The following TNN variants were observed in gnomAD, a reference collection of about 807,000 sequenced individuals.
TNN encodes tenascin-N.
A neutral mutation model predicts 134.4 loss-of-function variants in TNN; 122 were observed. The observed-to-expected ratio is 0.91, with a 90% CI of 0.78 to 1.06. The LOEUF is 1.06. TNN is among the 50% of genes least tolerant of loss of function. The pLI, the probability that TNN is intolerant of heterozygous loss-of-function variation, is 0.00. For missense variants in TNN, 1,739 were observed against 1,699.4 expected (o/e 1.02, Z -0.41); for synonymous variants, 710 against 670.3 (o/e 1.06, Z -0.91).
intron 15 of TNN, 86 bp from the exon 16 acceptor site, chr1:175,135,759 T>C: frequency 1.9e-6 from 2 of 1,035,044 alleles, no homozygotes; most frequent in Non-Finnish European, 1.5e-6. Flanking sequence ...GAAGGCAGTG[T>C]ATGAGCAAGC....
chr1:175,130,027 T>A (rs1675635149), intron 15 of TNN, among the ~76,000 whole-genome samples: 1 of 152,242 alleles, frequency 6.6e-6, no homozygotes, highest in Non-Finnish European at 1.5e-5. Context: ...TTTGATTGCA[T>A]CAGCCTGATC....
chr1:175,070,436 A>T (rs1673889163), intron 1 of TNN, among the ~76,000 whole-genome samples: 1 of 152,120 alleles, frequency 6.6e-6, no homozygotes, highest in Non-Finnish European at 1.5e-5. Context: ...ACTTGATGGG[A>T]TGGCTCTCCA....
Position 175,079,327 on chromosome 1 carries a change from T to C in TNN, c.410-6T>C, listed in dbSNP as rs900664056. 6.3e-7 allele frequency: 1 copy of C among 1,582,108 alleles called. No individual in the cohort carries two copies. Among genetic ancestry groups the C allele is most frequent in the East Asian group, 2.3e-5 (1 of 44,422 alleles). On this transcript the variant is annotated splice_polypyrimidine_tract_variant and splice_region_variant and intron_variant, in intron 2 of 18. Coordinates refer to ENST00000239462, the MANE Select transcript of TNN (RefSeq NM_022093.2). ...CCCAACCTACTGTTTCTCCTCTCCC[T>C]CCCAGATCTAAGCCGCCACTGCAGC...
Position 175,071,005 on chromosome 1 carries a change from T to C in TNN, c.-36+3070T>C, listed in dbSNP as rs185404792. Among the ~76,000 whole-genome samples, 14 of 152,314 alleles carry C rather than the reference T, an allele frequency of 9.2e-5. No individual in the cohort carries two copies. The East Asian group carries it at 2.3e-3, about 25-fold the overall frequency. On this transcript the variant is annotated intron_variant, in intron 1 of 18. Transcript: ENST00000239462. ...ACATTGATGCATCCCTAGCCACTCA[T>C]CTCCCTCATTTTCCTTCATAGTTTA...
rs138721282 is a variant in TNN, at chr1:175,127,089, C to G, written c.3045+4C>G. On this transcript the variant is annotated splice_donor_region_variant and intron_variant, in intron 13 of 18. Coordinates refer to ENST00000239462, the MANE Select transcript of TNN (RefSeq NM_022093.2). ...GTTCCCAGATGGCACAGTTAAGGTA[C>G]GGGGATTCCTTGTCTTTTCTCCTGG... 6.2e-7 allele frequency: 1 copy of G among 1,611,662 alleles called. No individual in the cohort carries two copies. Among genetic ancestry groups the G allele is most frequent in the Non-Finnish European group, 8.5e-7 (1 of 1,179,362 alleles).
rs1042316400 is a variant in TNN, at chr1:175,074,101, G to T, written c.-35-3283G>T. Among the ~76,000 whole-genome samples, 18 of 152,258 alleles carry T rather than the reference G, an allele frequency of 1.2e-4. No individual in the cohort carries two copies. In the East Asian group the frequency reaches 3.3e-3, roughly 28 times the overall value. ...TGTGAATTCCTCCGGGCCAGAATCA[G>T]GCACCAGTCTCTTTGCCTGCCACCC... On this transcript the variant is annotated intron_variant, in intron 1 of 18. Transcript: ENST00000239462.
Position 175,083,771 on chromosome 1 carries a change from C to T in TNN, c.1070C>T (p.Ala357Val), listed in dbSNP as rs1247133418. The part of the protein sequence containing the change: ...ATTDLAVLGT[A>V]WVTDETENSL... ...CTAGACCTTGCTGTGCTTGGCACTG[C>T]CTGGGTGACAGATGAGACTGAGAAC... is the stretch of plus-strand genomic sequence containing the variant. Residue 357 changes from alanine to valine, a missense_variant, in exon 5 of 19, where the codon GCC becomes GTC. By Grantham distance (64) the Ala-to-Val change is moderately conservative. Coordinates refer to ENST00000239462, the MANE Select transcript of TNN (RefSeq NM_022093.2). The T allele has an allele frequency of 6.2e-7, 1 of 1,614,046 alleles. No homozygotes were observed. Among genetic ancestry groups the T allele is most frequent in the South Asian group, 1.1e-5 (1 of 91,082 alleles).
rs548888665 is a variant in TNN, at chr1:175,083,518, G to GA, written c.1049-232_1049-231insA. 3.3e-3 allele frequency among the ~76,000 whole-genome samples: 509 copies of GA among 152,302 alleles called. 4 individuals are homozygous for GA. Among genetic ancestry groups the GA allele is most frequent in the African/African-American group, 0.01 (436 of 41,562 alleles). The stretch of plus-strand genomic sequence containing the variant: ...AGACCACATGGCCTCTGATGGGATG[G>GA]GGAAGTGGAGGCTTTCCCAAAAGAC... On this transcript the variant is annotated intron_variant, in intron 4 of 18. Coordinates refer to ENST00000239462, the MANE Select transcript of TNN (RefSeq NM_022093.2).
At chr1:175,073,824 T>A (rs1044557366) in intron 1 of TNN, among the ~76,000 whole-genome samples, 1 of 152,184 alleles carries the variant, frequency 6.6e-6, no homozygotes, top group Non-Finnish European at 1.5e-5. Flanking sequence ...GGAGCTTCTG[T>A]GGGATCTTTA....
At chr1:175,111,854 A>G (rs74447268) in intron 9 of TNN, among the ~76,000 whole-genome samples, 2,723 of 151,046 alleles carry the variant, frequency 0.018, 79 homozygotes, top group African/African-American at 0.062. Flanking sequence ...TGTATCGTGA[A>G]ACTTTATTGA....
chr1:175,090,139 T>C (rs896757501), intron 6 of TNN, among the ~76,000 whole-genome samples: 2 of 152,204 alleles, frequency 1.3e-5, no homozygotes, highest in Non-Finnish European at 2.9e-5. Context: ...ATTTTACATA[T>C]GAGAACACTG....
At chr1:175,124,238 C>G (rs1261022599) in intron 12 of TNN, among the ~76,000 whole-genome samples, 1 of 152,182 alleles carries the variant, frequency 6.6e-6, no homozygotes, top group East Asian at 1.9e-4. Context: ...GCTGAGCGCA[C>G]CAAGTGTTGC....
At chr1:175,079,757 A>C (rs1264161560) in intron 3 of TNN, 50 bp downstream of exon 3, 2 of 1,522,274 alleles carry the variant, frequency 1.3e-6, no homozygotes, top group Non-Finnish European at 1.8e-6. Flanking sequence ...TTTCCAATGC[A>C]CCATTTAACC....
Position 175,119,172 on chromosome 1 carries a change from C to T in TNN, c.2650+348C>T, listed in dbSNP as rs570500524. ...AAGGAATAAAAGAATGGCTACTAGC[C>T]ATGGGCAGAGCAGCCCTGAGGGCTT... On this transcript the variant is annotated intron_variant, in intron 11 of 18. Coordinates refer to ENST00000239462, the MANE Select transcript of TNN (RefSeq NM_022093.2). Among the ~76,000 whole-genome samples, 15 of 152,284 alleles carry T rather than the reference C, an allele frequency of 9.9e-5. No individual in the cohort carries two copies. In the East Asian group the frequency reaches 2.7e-3, roughly 27 times the overall value.
chr1:175,122,873 A>T (rs1425066388), intron 11 of TNN, among the ~76,000 whole-genome samples: 1 of 152,220 alleles, frequency 6.6e-6, no homozygotes, highest in Non-Finnish European at 1.5e-5. Context: ...GAAAGGGCAG[A>T]TCTGCAGCAA....
rs143280867 is a variant in TNN, at chr1:175,081,733, A to G, written c.1048+1307A>G. On this transcript the variant is annotated intron_variant, in intron 4 of 18. Transcript: ENST00000239462. ...ATTGTTCTAGCATGGGTGACTGCAC[A>G]CTATGGGGGACCATAGAGGTATCTC... Among the ~76,000 whole-genome samples, 791 of 152,332 alleles carry G rather than the reference A, an allele frequency of 5.2e-3. 12 individuals carry two copies. The highest frequency in any genetic ancestry group is 4.3e-3 in the Non-Finnish European group (291 of 68,024).
At position 175,077,781 on chromosome 1, in the gene TNN, G is replaced by T. The variant is rs1248951733; in HGVS notation, c.363G>T (p.Glu121Asp). Reference protein sequence around the residue: ...RVKKLEEEMVEMKEQCSAQRC... With the variant: ...RVKKLEEEMVDMKEQCSAQRC... Reference sequence around the variant, plus strand: ...AGAAGCTGGAGGAAGAGATGGTGGAGATGAAGGAACAGTGTAGTGCCCAGC... The same window carrying T: ...AGAAGCTGGAGGAAGAGATGGTGGATATGAAGGAACAGTGTAGTGCCCAGC... Residue 121 changes from glutamate to aspartate, a missense_variant, in exon 2 of 19, where the codon GAG becomes GAT. Physicochemically the swap from Glu to Asp is conservative, Grantham distance 45. Coordinates refer to ENST00000239462, the MANE Select transcript of TNN (RefSeq NM_022093.2). 3 of 1,614,136 alleles carry T rather than the reference G, an allele frequency of 1.9e-6. No homozygotes were observed. Among genetic ancestry groups the T allele is most frequent in the Admixed American group, 1.7e-5 (1 of 60,010 alleles).
rs771864159 is a variant in TNN at position 175,117,106 on chromosome 1, G to C, written c.2287G>C (p.Val763Leu). 2 of 1,614,262 alleles carry C rather than the reference G, an allele frequency of 1.2e-6. No homozygotes were observed. Among genetic ancestry groups the C allele is most frequent in the Non-Finnish European group, 1.7e-6 (2 of 1,180,050 alleles). ...GGTGGGGAAGGAGCAGAGTAGCACTGTCCTGACGGGCCTGAGGCCGGGTGT... is the reference window on the plus strand; with the variant it reads ...GGTGGGGAAGGAGCAGAGTAGCACTCTCCTGACGGGCCTGAGGCCGGGTGT... ...VPVGKEQSST[V>L]LTGLRPGVEY... Residue 763 changes from valine to leucine, a missense_variant, in exon 10 of 19, where the codon GTC (valine) becomes CTC (leucine). By Grantham distance (32) the Val-to-Leu change is conservative. Transcript: ENST00000239462.
intron 9 of TNN, among the ~76,000 whole-genome samples, chr1:175,103,653 C>A (rs6666410): frequency 0.013 from 1,862 of 143,368 alleles, 149 homozygotes; most frequent in African/African-American, 0.044. Flanking sequence ...TTTTTTTTGA[C>A]TTTCTGTGTC....
Sources: gnomAD v4.1 joint callset for allele counts (sites outside exome capture counted in the v4.1 genomes callset) on GRCh38, gnomAD v4.1.1 for gene constraint, MANE v1.5 for transcripts, NCBI Gene and HGNC (gene_info 2026-07-23, HGNC 2026-07-21) for gene names.